FRMD4A: variants seen among roughly 807,000 people sequenced by gnomAD.
FRMD4A encodes FERM domain containing 4A.
In FRMD4A, 29 loss-of-function variants were observed where a neutral mutation model predicts 129.1. That is an observed-to-expected ratio of 0.22 (90% CI 0.17 to 0.31). The LOEUF is 0.31. Among genes scored for constraint, FRMD4A ranks in the 10% least tolerant of loss-of-function variants. FRMD4A has a pLI of 1.00. For synonymous variants in FRMD4A, 634 were observed against 571.6 expected (o/e 1.11, Z -1.56); for missense variants, 1,272 against 1,375.8 (o/e 0.92, Z 1.19).
At chr10:14,057,164 T>C (rs768634556) in intron 2 of FRMD4A, among the ~76,000 whole-genome samples, 5 of 152,244 alleles carry the variant, frequency 3.3e-5, no homozygotes, top group Non-Finnish European at 5.9e-5. Context: ...GCGGATGTTA[T>C]GTAATGTAAT....
intron 2 of FRMD4A, among the ~76,000 whole-genome samples, chr10:13,982,683 A>G (rs1023867434): frequency 2.0e-5 from 3 of 152,298 alleles, no homozygotes; most frequent in East Asian, 1.9e-4. Context: ...GTCCAGTTGT[A>G]TTATCTACAT....
chr10:13,837,848 C>A (rs1414850151), intron 3 of FRMD4A, among the ~76,000 whole-genome samples: 4 of 152,176 alleles, frequency 2.6e-5, no homozygotes, highest in South Asian at 2.1e-4. Context: ...TTCTATCTTC[C>A]CTTCATTTCC....
chr10:14,042,661 T>C (rs879912093), intron 2 of FRMD4A, among the ~76,000 whole-genome samples: 1 of 152,070 alleles, frequency 6.6e-6, no homozygotes, highest in Non-Finnish European at 1.5e-5. Flanking sequence ...TATACTTAGA[T>C]AAGAAATTTA....
intron 5 of FRMD4A, among the ~76,000 whole-genome samples, chr10:13,792,416 G>A (rs546700041): frequency 1.3e-5 from 2 of 152,212 alleles, no homozygotes; most frequent in Non-Finnish European, 2.9e-5. Context: ...CATTGGAGGA[G>A]GATGTTACTT....
At chr10:13,972,162 G>T in intron 2 of FRMD4A, 1 of 1,043,284 alleles carries the variant, frequency 9.6e-7, no homozygotes, top group Non-Finnish European at 1.2e-6. Context: ...AGATCAAACA[G>T]AACTTAGGGA....
chr10:14,109,273 C>A (rs1837750525), intron 2 of FRMD4A, among the ~76,000 whole-genome samples: 1 of 150,828 alleles, frequency 6.6e-6, no homozygotes, highest in African/African-American at 2.4e-5. Flanking sequence ...AGATATTGTA[C>A]CCTGAAAAAC....
chr10:13,962,611 A>T (rs1480335540), intron 2 of FRMD4A, among the ~76,000 whole-genome samples: 2 of 152,178 alleles, frequency 1.3e-5, no homozygotes, highest in African/African-American at 4.8e-5. Context: ...AGACTCCCAA[A>T]CAAATACAAA....
intron 2 of FRMD4A, among the ~76,000 whole-genome samples, chr10:14,066,382 G>T (rs905581160): frequency 6.6e-6 from 1 of 152,140 alleles, no homozygotes; most frequent in African/African-American, 2.4e-5. Flanking sequence ...TCAGTTCAGT[G>T]CCATAAGATC....
At chr10:13,655,239 G>A (rs1589219479) in intron 22 of FRMD4A, 1 of 152,118 alleles carries the variant, frequency 6.6e-6, no homozygotes, top group Non-Finnish European at 1.5e-5. Context: ...AACAATTTTA[G>A]TCTAAAATAT....
At chr10:14,263,976 G>C (rs1844893027) in intron 2 of FRMD4A, among the ~76,000 whole-genome samples, 1 of 152,318 alleles carries the variant, frequency 6.6e-6, no homozygotes, top group East Asian at 1.9e-4. Flanking sequence ...TCCAGTGAGC[G>C]AGCATTGCAC....
At chr10:14,292,167 C>A (rs910030586) in intron 2 of FRMD4A, among the ~76,000 whole-genome samples, 2 of 152,064 alleles carry the variant, frequency 1.3e-5, no homozygotes, top group Non-Finnish European at 2.9e-5. Context: ...GGAATATTTA[C>A]GAAACTGGAT....
Position 13,783,008 on chromosome 10 carries a change from TG to T in FRMD4A, c.300-3del, listed in dbSNP as rs752720251. The T allele has an allele frequency of 3.0e-5, 37 of 1,235,332 alleles. No individual in the cohort carries two copies. The Admixed American group carries it at 6.2e-4, about 21-fold the overall frequency. 76.5% of individuals were successfully genotyped at this position (1,235,332 alleles called of 1,614,324 possible). The stretch of plus-strand genomic sequence containing the variant: ...TATGAAATGCTTTCTATATAGAACC[TG>T]AAAGAGAAAAATGGTGCGTGAACCA... On this transcript the variant is annotated splice_polypyrimidine_tract_variant and splice_region_variant and intron_variant, in intron 5 of 24. Coordinates refer to ENST00000357447, the MANE Select transcript of FRMD4A (RefSeq NM_018027.5).
intron 2 of FRMD4A, among the ~76,000 whole-genome samples, chr10:13,978,727 A>G (rs368738851): frequency 2.6e-5 from 4 of 152,182 alleles, no homozygotes; most frequent in South Asian, 2.1e-4. Flanking sequence ...ACTCATTTAT[A>G]TAAATGCTAG....
chr10:13,693,610 A>C, intron 15 of FRMD4A: 1 of 792,646 alleles, frequency 1.3e-6, no homozygotes, highest in Non-Finnish European at 1.8e-6. Context: ...GGGGATTGTG[A>C]AACGCTCTGG....
At chr10:14,034,452 A>G (rs1833402952) in intron 2 of FRMD4A, among the ~76,000 whole-genome samples, 1 of 152,228 alleles carries the variant, frequency 6.6e-6, no homozygotes, top group South Asian at 2.1e-4. Flanking sequence ...TGGCTGTGGA[A>G]CAGCCATGGG....
chr10:13,727,825 T>A (rs1202130834), intron 12 of FRMD4A: 1 of 152,350 alleles, frequency 6.6e-6, no homozygotes, highest in Non-Finnish European at 1.5e-5. Flanking sequence ...TGAATGCGCC[T>A]GATCTTGTCT....
chr10:13,998,174 A>C (rs1379319252), intron 2 of FRMD4A, among the ~76,000 whole-genome samples: 1 of 152,112 alleles, frequency 6.6e-6, no homozygotes. Flanking sequence ...CACATTCCCC[A>C]GATGTTATCA....
chr10:13,906,333 G>A (rs2131211052), intron 2 of FRMD4A, among the ~76,000 whole-genome samples: 1 of 152,234 alleles, frequency 6.6e-6, no homozygotes, highest in South Asian at 2.1e-4. Context: ...TAACACAGTG[G>A]TCAGCAGTAC....
intron 3 of FRMD4A, among the ~76,000 whole-genome samples, chr10:13,850,721 T>C (rs1258275435): frequency 6.6e-6 from 1 of 152,192 alleles, no homozygotes; most frequent in African/African-American, 2.4e-5. Flanking sequence ...AATCTTGGGT[T>C]TTTATTATAT....
Sources: allele counts gnomAD v4.1 joint callset (sites outside exome capture counted in the v4.1 genomes callset), GRCh38; gene constraint gnomAD v4.1.1; transcripts MANE v1.5; gene names NCBI Gene and HGNC (gene_info 2026-07-23, HGNC 2026-07-21).